PTPRE: variants seen among roughly 807,000 people sequenced by gnomAD.
The protein encoded by PTPRE is protein tyrosine phosphatase receptor type E.
A neutral mutation model predicts 102.0 loss-of-function variants in PTPRE; 51 were observed. The ratio of observed to expected loss-of-function variants is 0.50; its 90% CI spans 0.40 to 0.63. The LOEUF is 0.63. PTPRE is among the 30% of genes least tolerant of loss of function. The pLI, the probability that PTPRE is intolerant of heterozygous loss-of-function variation, is 0.00. For synonymous variants in PTPRE, 345 were observed against 348.2 expected (o/e 0.99, Z 0.10); for missense variants, 752 against 915.1 (o/e 0.82, Z 2.30).
intron 1 of PTPRE, among the ~76,000 whole-genome samples, chr10:127,922,870 C>T (rs1846707222): frequency 6.6e-6 from 1 of 152,358 alleles, no homozygotes; most frequent in South Asian, 2.1e-4. Flanking sequence ...TCTGGCTTTT[C>T]CCATCCTCAG....
At chr10:127,958,287 A>G (rs1483312930) in intron 1 of PTPRE, among the ~76,000 whole-genome samples, 1 of 152,190 alleles carries the variant, frequency 6.6e-6, no homozygotes, top group African/African-American at 2.4e-5. Flanking sequence ...TTAGTGGGAA[A>G]ATGTCTAGTT....
In PTPRE at chr10:127,924,553, G is replaced by T. The variant is rs546217506; in HGVS notation, c.-31+17244G>T. On this transcript the variant is annotated intron_variant, in intron 1 of 20. Coordinates refer to ENST00000254667, the MANE Select transcript of PTPRE (RefSeq NM_006504.6). ...CAGGTGAGCTGTTTTAAGACCACAAGATCAGGCAGACATGGGATTGTCAGC... is the reference window on the plus strand; with the variant it reads ...CAGGTGAGCTGTTTTAAGACCACAATATCAGGCAGACATGGGATTGTCAGC... Among the ~76,000 whole-genome samples the T allele has an allele frequency of 2.0e-4, 31 of 152,170 alleles. 1 individual carries two copies. The highest frequency in any genetic ancestry group is 3.2e-3 in the Middle Eastern group (1 of 316).
intron 1 of PTPRE, among the ~76,000 whole-genome samples, chr10:127,980,031 G>C (rs1462379391): frequency 6.6e-6 from 1 of 152,036 alleles, no homozygotes; most frequent in Non-Finnish European, 1.5e-5. Context: ...CATCTTTTCT[G>C]GTTCATTTTG....
chr10:128,040,445 G>A (rs1847582110), intron 2 of PTPRE, among the ~76,000 whole-genome samples: 1 of 152,156 alleles, frequency 6.6e-6, no homozygotes, highest in Admixed American at 6.5e-5. Context: ...AGGACAGCGT[G>A]GCCAGAGAAC....
chr10:128,066,236 C>G (rs745867298), intron 11 of PTPRE, 42 bp downstream of exon 11: 1 of 1,605,028 alleles, frequency 6.2e-7, no homozygotes, highest in Non-Finnish European at 8.5e-7. Context: ...AGATCATTTT[C>G]AGAGAGCATC....
chr10:128,060,143 G>A (rs1022354667), intron 7 of PTPRE, among the ~76,000 whole-genome samples: 5 of 139,188 alleles, frequency 3.6e-5, no homozygotes, highest in South Asian at 2.3e-4. Context: ...CATTCACACA[G>A]CATACACACT....
chr10:128,021,836 G>A (rs1298516312), intron 2 of PTPRE, among the ~76,000 whole-genome samples: 2 of 152,176 alleles, frequency 1.3e-5, no homozygotes, highest in African/African-American at 2.4e-5. Flanking sequence ...CTCTTACCAC[G>A]TGCTTCCCGT....
At chr10:127,957,654 TCTC>T (rs1308609360) in intron 1 of PTPRE, among the ~76,000 whole-genome samples, 8 of 152,210 alleles carry the variant, frequency 5.3e-5, no homozygotes, top group Non-Finnish European at 8.8e-5. Context: ...ACTCTGTTCT[TCTC>T]CTTCAATATT....
chr10:128,040,967 G>C lies in PTPRE; in HGVS notation c.86G>C (p.Ser29Thr). ...ALRGNETTAD[S>T]NETTTTSGPP... The stretch of plus-strand genomic sequence containing the variant: ...AGGGGCAACGAGACCACTGCCGACA[G>C]CAACGAGACAACCACGACCTCAGGT... The change falls in exon 3 of 21, where the codon AGC becomes ACC. Residue 29 changes from serine (S) to threonine (T), a missense_variant. By Grantham distance (58) the Ser-to-Thr change is moderately conservative (BLOSUM62 1). Transcript: ENST00000254667. 1 of 1,614,084 alleles carries C rather than the reference G, an allele frequency of 6.2e-7. No individual in the cohort carries two copies.
At chr10:127,978,836 C>G (rs1373121284) in intron 1 of PTPRE, among the ~76,000 whole-genome samples, 1 of 152,090 alleles carries the variant, frequency 6.6e-6, no homozygotes, top group Non-Finnish European at 1.5e-5. Flanking sequence ...GCCTGGCCAA[C>G]ATGGTGAAAC....
intron 18 of PTPRE, 142 bp downstream of exon 18, chr10:128,076,870 T>A: frequency 8.2e-7 from 1 of 1,212,514 alleles, no homozygotes; most frequent in Non-Finnish European, 1.2e-6. Context: ...GAATGGCCAA[T>A]GGGTTTCAGA....
chr10:128,065,050 G>A (rs1042785545), intron 10 of PTPRE, among the ~76,000 whole-genome samples: 17 of 152,210 alleles, frequency 1.1e-4, no homozygotes, highest in African/African-American at 3.9e-4. Flanking sequence ...CACCCAAACC[G>A]GGACATGTAG....
At chr10:127,984,318 T>C (rs1484591175) in intron 2 of PTPRE, among the ~76,000 whole-genome samples, 3 of 152,086 alleles carry the variant, frequency 2.0e-5, no homozygotes, top group African/African-American at 7.2e-5. Flanking sequence ...CGACCTCAGG[T>C]GATCTGCCCA....
chr10:128,055,551 A>G (rs1252684224), intron 6 of PTPRE, among the ~76,000 whole-genome samples: 1 of 151,950 alleles, frequency 6.6e-6, no homozygotes, highest in African/African-American at 2.4e-5. Flanking sequence ...CATTTCTAAC[A>G]AGCACCCTCC....
chr10:128,044,108 G>C (rs1847915992), intron 3 of PTPRE, among the ~76,000 whole-genome samples: 2 of 152,184 alleles, frequency 1.3e-5, no homozygotes, highest in South Asian at 4.1e-4. Flanking sequence ...ATTTATAGAA[G>C]AAAATGTCAG....
intron 2 of PTPRE, among the ~76,000 whole-genome samples, chr10:127,984,700 G>A (rs1288496275): frequency 2.6e-5 from 4 of 152,168 alleles, no homozygotes; most frequent in Non-Finnish European, 4.4e-5. Flanking sequence ...TAAGTCTCAC[G>A]AGATCTGATG....
rs1846490771 is a variant in PTPRE, at chr10:128,028,930, C to T, written c.-7-11945C>T. Among the ~76,000 whole-genome samples the T allele has an allele frequency of 6.6e-6, 1 of 152,250 alleles. No homozygotes were observed. The highest frequency in any genetic ancestry group is 1.5e-5 in the Non-Finnish European group (1 of 68,034). On this transcript the variant is annotated intron_variant, in intron 2 of 20. Transcript: ENST00000254667. The surrounding 1 kb of genome is among the most constrained non-coding windows in gnomAD (Gnocchi z 4.5). ...CCTCCTCGAGGAGCGCTATCCTGCT[C>T]CGTCTCTGCTCAGGGTCCCCCCAGA...
intron 1 of PTPRE, among the ~76,000 whole-genome samples, chr10:127,927,101 C>A (rs116297594): frequency 6.6e-6 from 1 of 152,040 alleles, no homozygotes; most frequent in African/African-American, 2.4e-5. Flanking sequence ...TGAGCCACTG[C>A]GCCAGGTCTC....
chr10:127,983,860 G>T (rs545908313), intron 2 of PTPRE, among the ~76,000 whole-genome samples: 22 of 152,238 alleles, frequency 1.4e-4, no homozygotes, highest in African/African-American at 5.3e-4. Context: ...GTGATCCTGT[G>T]ACAGGTGCTT....
Sources: allele counts gnomAD v4.1 joint callset (sites outside exome capture counted in the v4.1 genomes callset), GRCh38; gene constraint gnomAD v4.1.1; non-coding constraint Gnocchi (gnomAD v3.1); transcripts MANE v1.5; gene names NCBI Gene and HGNC (gene_info 2026-07-23, HGNC 2026-07-21).